The following PRPF19 variants were observed in gnomAD, a reference collection of about 807,000 sequenced individuals.
PRPF19 encodes pre-mRNA-processing factor 19.
A neutral mutation model predicts 64.2 loss-of-function variants in PRPF19; 2 were observed. The observed-to-expected ratio is 0.03, with a 90% CI of 0.01 to 0.10. The LOEUF is 0.10. PRPF19 is among the 10% of genes least tolerant of loss of function. The probability of loss-of-function intolerance (pLI) is 1.00; values close to 1 mark genes in which losing one functional copy is unlikely to be tolerated. For synonymous variants in PRPF19, 226 were observed against 251.6 expected (o/e 0.90, Z 0.96); for missense variants, 314 against 650.0 (o/e 0.48, Z 5.62).
chr11:60,903,342 C>G, intron 3 of PRPF19, 117 bp downstream of exon 3: 1 of 1,119,874 alleles, frequency 8.9e-7, no homozygotes. Context: ...AAACAAATCC[C>G]TGATGTCACA....
chr11:60,891,048 T>C lies in PRPF19; in HGVS notation c.*118A>G. ...CCACTCAGACCAGAGTGAAATGATGTGAATGTCCCACCCCACAGAGCCCCC... is the reference window on the plus strand; with the variant it reads ...CCACTCAGACCAGAGTGAAATGATGCGAATGTCCCACCCCACAGAGCCCCC... On this transcript the variant is annotated 3_prime_UTR_variant, in exon 16 of 16. Transcript: ENST00000227524. 1 of 713,270 alleles carries C rather than the reference T, an allele frequency of 1.4e-6. No homozygotes were observed. Among genetic ancestry groups the C allele is most frequent in the South Asian group, 1.7e-5 (1 of 58,846 alleles). 44.2% of individuals were successfully genotyped at this position (713,270 alleles called of 1,614,324 possible).
rs1468252148 is a variant in PRPF19 at position 60,898,496 on chromosome 11, C to T, written c.1140+45G>A. On this transcript the variant is annotated intron_variant, in intron 13 of 15. Coordinates refer to ENST00000227524, the MANE Select transcript of PRPF19 (RefSeq NM_014502.5). The surrounding 1 kb of genome is among the most constrained non-coding windows in gnomAD (Gnocchi z 4.6). ...AATTAGCACTGCATTGTCACAAACACTCCCTCTGGCCCTGGGCCTCAGATG... is the reference window on the plus strand; with the variant it reads ...AATTAGCACTGCATTGTCACAAACATTCCCTCTGGCCCTGGGCCTCAGATG... 9 of 1,613,408 alleles carry T rather than the reference C, an allele frequency of 5.6e-6. No individual in the cohort carries two copies. Among genetic ancestry groups the T allele is most frequent in the Non-Finnish European group, 7.6e-6 (9 of 1,179,752 alleles).
intron 15 of PRPF19, among the ~76,000 whole-genome samples, chr11:60,896,138 C>A (rs1229306409): frequency 1.3e-5 from 2 of 152,114 alleles, no homozygotes; most frequent in African/African-American, 4.8e-5. Context: ...GCAAAGTATC[C>A]ATAAAATACA....
chr11:60,905,420 C>T (rs1212675480), intron 1 of PRPF19: 1 of 152,216 alleles, frequency 6.6e-6, no homozygotes, highest in African/African-American at 2.4e-5. Flanking sequence ...ATTTCCCTTC[C>T]TTCTTCCCCC....
At chr11:60,906,158 C>T (rs1193774008) in intron 1 of PRPF19, among the ~76,000 whole-genome samples, 1 of 152,244 alleles carries the variant, frequency 6.6e-6, no homozygotes, top group Non-Finnish European at 1.5e-5. Context: ...CGACAATAAA[C>T]CTCAGGCACT....
Position 60,890,960 on chromosome 11 carries a change from G to A in PRPF19, c.*206C>T, listed in dbSNP as rs1025110058. The A allele has an allele frequency of 9.8e-6, 6 of 613,796 alleles. No homozygotes were observed. The highest frequency in any genetic ancestry group is 1.8e-5 in the Non-Finnish European group (6 of 338,882). The allele number at this position is 613,796 out of a possible 1,614,324, so 38.0% of individuals were successfully genotyped here. A position where few individuals can be genotyped will look rare whatever the true frequency, so the allele number is the denominator to read the frequency against. On this transcript the variant is annotated 3_prime_UTR_variant, in exon 16 of 16. Transcript: ENST00000227524. ...GGTGACAGTTCTTCCTTCCACATCC[G>A]TTCCCATGGGGCCTGGAGTTGCATG...
At chr11:60,906,330 C>A in intron 1 of PRPF19, 34 bp downstream of exon 1, 1 of 1,593,214 alleles carries the variant, frequency 6.3e-7, no homozygotes, top group Non-Finnish European at 8.5e-7. Flanking sequence ...CTCTGGCCTC[C>A]TGAGACCCGC....
intron 1 of PRPF19, 74 bp from the exon 2 acceptor site, chr11:60,903,935 AG>A (rs1856014422): frequency 6.5e-7 from 1 of 1,544,672 alleles, no homozygotes; most frequent in Non-Finnish European, 8.7e-7. Flanking sequence ...ATCTGCTATT[AG>A]CCCCAACAAG....
chr11:60,892,798 A>G (rs939439729), intron 15 of PRPF19, among the ~76,000 whole-genome samples: 7 of 152,188 alleles, frequency 4.6e-5, no homozygotes, highest in Non-Finnish European at 1.0e-4. Context: ...CAACCAGGGA[A>G]AATGAACTGG....
At chr11:60,900,513 A>G (rs1264667333) in intron 10 of PRPF19, 69 bp downstream of exon 10, 3 of 1,247,344 alleles carry the variant, frequency 2.4e-6, no homozygotes, top group Admixed American at 2.2e-5. Flanking sequence ...TCACAGAGAC[A>G]GCAGCGGGGT....
At chr11:60,892,269 A>G (rs1014486524) in intron 15 of PRPF19, among the ~76,000 whole-genome samples, 1 of 152,208 alleles carries the variant, frequency 6.6e-6, no homozygotes, top group Non-Finnish European at 1.5e-5. Context: ...TTGCAATTAA[A>G]TGTGTACATG....
At position 60,897,904 on chromosome 11, in the gene PRPF19, C is replaced by T; in HGVS notation, c.1359G>A (p.Gly453=). 1 of 1,613,984 alleles carries T rather than the reference C, an allele frequency of 6.2e-7. No individual in the cohort carries two copies. Among genetic ancestry groups the T allele is most frequent in the African/African-American group, 1.3e-5 (1 of 74,966 alleles). The change falls in exon 15 of 16, where the codon GGG becomes GGA. Residue 453 remains glycine (G), a synonymous_variant. Coordinates refer to ENST00000227524, the MANE Select transcript of PRPF19 (RefSeq NM_014502.5). The part of the protein sequence containing the change: ...FDQSGTYLAL[G]GTDVQIYICK... ...AGATGTAGATCTGGACATCCGTGCC[C>T]CCAAGAGCCAGGTAGGTACCACTCT...
intron 15 of PRPF19, among the ~76,000 whole-genome samples, chr11:60,896,085 C>T (rs1855917264): frequency 6.6e-6 from 1 of 152,196 alleles, no homozygotes; most frequent in African/African-American, 2.4e-5. Context: ...TACTGACAGA[C>T]TTGCTTGGGG....
chr11:60,893,756 A>G (rs1307217299), intron 15 of PRPF19, among the ~76,000 whole-genome samples: 2 of 152,160 alleles, frequency 1.3e-5, no homozygotes, highest in Admixed American at 1.3e-4. Flanking sequence ...GGAATTCAAG[A>G]CCAGCCTGGC....
chr11:60,894,105 G>A (rs141792448), intron 15 of PRPF19, among the ~76,000 whole-genome samples: 2 of 152,278 alleles, frequency 1.3e-5, no homozygotes, highest in African/African-American at 2.4e-5. Context: ...CCTTGATGTC[G>A]ATGGCTGCTA....
rs565742443 is a variant in PRPF19, at chr11:60,891,237, C to A, written c.1444G>T (p.Ala482Ser). 1 of 1,613,744 alleles carries A rather than the reference C, an allele frequency of 6.2e-7. No individual in the cohort carries two copies. Among genetic ancestry groups the A allele is most frequent in the South Asian group, 1.1e-5 (1 of 91,050 alleles). ...TEHSGLTTGV[A>S]FGHHAKFIAS... ...ATGAACTTGGCGTGATGCCCGAAGGCCACCCCTGTGGTCAGGCCGCTATGC... is the reference window on the plus strand; with the variant it reads ...ATGAACTTGGCGTGATGCCCGAAGGACACCCCTGTGGTCAGGCCGCTATGC... Residue 482 changes from alanine (A) to serine (S), a missense_variant, in exon 16 of 16, where the codon GCC (alanine) becomes TCC (serine). Around this residue, in one of 7 missense-constraint regions of PRPF19, gnomAD observed 47 missense variants for 94.5 expected, o/e 0.50. Coordinates refer to ENST00000227524, the MANE Select transcript of PRPF19 (RefSeq NM_014502.5).
Position 60,891,081 on chromosome 11 carries a change from A to AC in PRPF19, c.*84_*85insG. ...CCACCCCACAGAGCCCCCTCCCCCC[A>AC]TAGATTCCCCCCACCCCCCCCCCCA... On this transcript the variant is annotated 3_prime_UTR_variant, in exon 16 of 16. Coordinates refer to ENST00000227524, the MANE Select transcript of PRPF19 (RefSeq NM_014502.5). The AC allele has an allele frequency of 1.8e-5, 1 of 56,398 alleles. No homozygotes were observed. The highest frequency in any genetic ancestry group is 3.5e-5 in the Non-Finnish European group (1 of 28,242). The allele number at this position is 56,398 out of a possible 1,614,324, so 3.5% of individuals were successfully genotyped here.
At chr11:60,903,352 A>T in intron 3 of PRPF19, 107 bp downstream of exon 3, 2 of 1,216,342 alleles carry the variant, frequency 1.6e-6, no homozygotes, top group South Asian at 3.0e-5. Flanking sequence ...CTGATGTCAC[A>T]AAGTTTACCC....
At chr11:60,901,411 C>A in intron 7 of PRPF19, 42 bp from the exon 8 acceptor site, 1 of 1,613,964 alleles carries the variant, frequency 6.2e-7, no homozygotes, top group South Asian at 1.1e-5. Flanking sequence ...AGCAATGAAT[C>A]CAAGATTCAG....
Sources: gnomAD v4.1 joint callset for allele counts (sites outside exome capture counted in the v4.1 genomes callset) on GRCh38, gnomAD v4.1.1 for gene constraint, gnomAD v4.1.1 regional missense constraint, Gnocchi (gnomAD v3.1) non-coding constraint, MANE v1.5 for transcripts, NCBI Gene and HGNC (gene_info 2026-07-23, HGNC 2026-07-21) for gene names.